The following AOC3 variants were observed in gnomAD, a reference collection of about 807,000 sequenced individuals.
AOC3 encodes amine oxidase copper containing 3.
In AOC3, 47 loss-of-function variants were observed where a neutral mutation model predicts 55.4. The ratio of observed to expected loss-of-function variants is 0.85; its 90% confidence interval spans 0.67 to 1.08. The LOEUF is 1.08. Ranked by LOEUF, AOC3 falls within the 50% of genes least tolerant of loss-of-function variation. The probability of loss-of-function intolerance (pLI) is 0.00; values close to 1 mark genes in which losing one functional copy is unlikely to be tolerated. For missense variants in AOC3, 853 were observed against 993.1 expected (o/e 0.86, Z 1.90); for synonymous variants, 386 against 410.7 (o/e 0.94, Z 0.73).
At position 42,856,766 on chromosome 17, in the gene AOC3, T is replaced by G; in HGVS notation, c.*216T>G. On this transcript the variant is annotated 3_prime_UTR_variant, in exon 4 of 4. Transcript: ENST00000308423. ...CACTGAACCTTGTTGATGCCAGCTG[T>G]ACTGAGTTCTCATCCACAGAGGCCA... 1.1e-5 allele frequency: 7 copies of G among 609,966 alleles called. No individual in the cohort carries two copies. The highest frequency in any genetic ancestry group is 2.8e-5 in the East Asian group (1 of 35,468). 37.8% of individuals were successfully genotyped at this position (609,966 alleles called of 1,614,324 possible). A position where few individuals can be genotyped will look rare whatever the true frequency, so the allele number is the denominator to read the frequency against.
intron 2 of AOC3, 143 bp downstream of exon 2, chr17:42,854,876 G>A: frequency 1.1e-6 from 1 of 915,288 alleles, no homozygotes; most frequent in Non-Finnish European, 1.5e-6. Flanking sequence ...TTTTGAGATG[G>A]AGTTTTGCTC....
intron 2 of AOC3, 123 bp from the exon 3 acceptor site, chr17:42,855,321 C>G (rs2055734073): frequency 7.5e-7 from 1 of 1,336,736 alleles, no homozygotes; most frequent in Non-Finnish European, 1.0e-6. Context: ...GATTCTGTAG[C>G]GCCGAGTCAG....
In AOC3 at chr17:42,852,216, C is replaced by T; in HGVS notation, c.873C>T (p.Ile291=). The change falls in exon 1 of 4, where the codon ATC becomes ATT. Residue 291 remains isoleucine, a synonymous_variant. Coordinates refer to ENST00000308423, the MANE Select transcript of AOC3 (RefSeq NM_003734.4). ...CCGGCCTGGTGAATGTGGTGCTGAT[C>T]CCAGACAATGGCACAGGTGGGTCCT... The part of the protein sequence containing the change: ...FEAGLVNVVL[I]PDNGTGGSWS... The T allele has an allele frequency of 1.2e-5, 20 of 1,613,500 alleles. No individual in the cohort carries two copies. Among genetic ancestry groups the T allele is most frequent in the Non-Finnish European group, 1.6e-5 (19 of 1,179,730 alleles).
In AOC3 at chr17:42,851,845, C is replaced by T. The variant is rs141581658; in HGVS notation, c.502C>T (p.Arg168Ter). Residue 168 changes from arginine (R) to a stop codon, truncating the protein, a stop_gained, in exon 1 of 4, where the codon CGA (arginine) becomes TGA (stop). Coordinates refer to ENST00000308423, the MANE Select transcript of AOC3 (RefSeq NM_003734.4). LOFTEE classifies it high-confidence loss of function. Reference sequence around the variant, plus strand: ...TCATGGAGGCCCCCTGCCCTATCACCGACGCCCCGTGCTGTTCCAAGAGTA... The same window carrying T: ...TCATGGAGGCCCCCTGCCCTATCACTGACGCCCCGTGCTGTTCCAAGAGTA... ...ERHGGPLPYH[R>*]RPVLFQEYLD... is the part of the protein sequence containing the mutation. 1.1e-5 allele frequency: 18 copies of T among 1,613,492 alleles called. No homozygotes were observed. Among genetic ancestry groups the T allele is most frequent in the East Asian group, 6.7e-5 (3 of 44,878 alleles).
Position 42,851,801 on chromosome 17 carries a change from G to A in AOC3, c.458G>A (p.Arg153Gln), listed in dbSNP as rs761534746. The A allele has an allele frequency of 1.1e-5, 18 of 1,613,346 alleles. No homozygotes were observed. The African/African-American group carries it at 1.9e-4, about 17-fold the overall frequency. The change falls in exon 1 of 4, where the codon CGG (arginine) becomes CAG (glutamine). Residue 153 changes from arginine to glutamine, a missense_variant. Arg to Gln is a conservative substitution (Grantham distance 43, BLOSUM62 1). Transcript: ENST00000308423. ...CCACTGCCTCACCCCTCCTACATGC[G>A]GGACGTGACTGTGGAGCGTCATGGA... ...VGPLPHPSYM[R>Q]DVTVERHGGP...
chr17:42,853,264 G>A, intron 1 of AOC3: 4 of 1,125,082 alleles, frequency 3.6e-6, no homozygotes, highest in South Asian at 3.1e-5. Flanking sequence ...CTCTGCTGCT[G>A]GGAGCAGCCT....
At chr17:42,854,415 C>T (rs780841861) in intron 1 of AOC3, 33 bp from the exon 2 acceptor site, 12 of 1,453,790 alleles carry the variant, frequency 8.3e-6, no homozygotes. Context: ...GGGCAGTTGC[C>T]TGACAGGCCC....
chr17:42,851,829 C>G lies in AOC3; in HGVS notation c.486C>G (p.Gly162=), dbSNP rs758973196. 1.2e-6 allele frequency: 2 copies of G among 1,613,616 alleles called. No individual in the cohort carries two copies. The highest frequency in any genetic ancestry group is 1.7e-6 in the Non-Finnish European group (2 of 1,180,040). Residue 162 remains glycine (G), a synonymous_variant, in exon 1 of 4, where the codon GGC becomes GGG. Coordinates refer to ENST00000308423, the MANE Select transcript of AOC3 (RefSeq NM_003734.4). The stretch of plus-strand genomic sequence containing the variant: ...ACGTGACTGTGGAGCGTCATGGAGG[C>G]CCCCTGCCCTATCACCGACGCCCCG... ...MRDVTVERHG[G]PLPYHRRPVL...
rs552584884 is a variant in AOC3 at position 42,851,549 on chromosome 17, C to T, written c.206C>T (p.Thr69Met). 66 of 1,613,912 alleles carry T rather than the reference C, an allele frequency of 4.1e-5. No homozygotes were observed. Among genetic ancestry groups the T allele is most frequent in the South Asian group, 8.8e-5 (8 of 91,062 alleles). ...GCAGACCTGAGCCGAGAGGAGCTGACGGCTGTGATGCGCTTTCTGACCCAG... is the reference window on the plus strand; with the variant it reads ...GCAGACCTGAGCCGAGAGGAGCTGATGGCTGTGATGCGCTTTCTGACCCAG... ...LFADLSREELTAVMRFLTQRL... is the reference protein window; with the variant it reads ...LFADLSREELMAVMRFLTQRL... Residue 69 changes from threonine to methionine, a missense_variant, in exon 1 of 4, where the codon ACG (threonine) becomes ATG (methionine). Transcript: ENST00000308423.
In AOC3 at chr17:42,852,049, G is replaced by A. The variant is rs766705316; in HGVS notation, c.706G>A (p.Ala236Thr). The A allele has an allele frequency of 6.2e-6, 10 of 1,613,774 alleles. No individual in the cohort carries two copies. Among genetic ancestry groups the A allele is most frequent in the Middle Eastern group, 1.6e-4 (1 of 6,078 alleles). Residue 236 changes from alanine (A) to threonine (T), a missense_variant, in exon 1 of 4, where the codon GCT becomes ACT. Coordinates refer to ENST00000308423, the MANE Select transcript of AOC3 (RefSeq NM_003734.4). ...WFGLYYNISG[A>T]GFFLHHVGLE... Reference sequence around the variant, plus strand: ...TGGCCTCTACTACAACATCTCGGGCGCTGGGTTCTTCCTGCACCACGTGGG... The same window carrying A: ...TGGCCTCTACTACAACATCTCGGGCACTGGGTTCTTCCTGCACCACGTGGG...
rs1344930156 is a variant in AOC3, at chr17:42,858,056, T to A, written c.*1506T>A. On this transcript the variant is annotated 3_prime_UTR_variant, in exon 4 of 4. Transcript: ENST00000308423. ...GAAGGGTCTTAACACTTACACCCTT[T>A]TGTACATTTTGAATTTTGAACCATG... 6.6e-6 allele frequency: 1 copy of A among 152,262 alleles called. No homozygotes were observed. The highest frequency in any genetic ancestry group is 6.5e-5 in the Admixed American group (1 of 15,278). 9.4% of individuals were successfully genotyped at this position (152,262 alleles called of 1,614,324 possible). A position where few individuals can be genotyped will look rare whatever the true frequency, so the allele number is the denominator to read the frequency against.
At chr17:42,853,133 G>T in intron 1 of AOC3, 190 bp downstream of exon 1, 1 of 1,371,678 alleles carries the variant, frequency 7.3e-7, no homozygotes, top group Non-Finnish European at 9.5e-7. Context: ...GTGCAAAGCT[G>T]CAGCCTTCCT....
Position 42,856,124 on chromosome 17 carries a change from A to C in AOC3, c.2017-151A>C. The C allele has an allele frequency of 5.3e-6, 5 of 951,372 alleles. No homozygotes were observed. The South Asian group carries it at 8.0e-5, about 15-fold the overall frequency. 58.9% of individuals were successfully genotyped at this position (951,372 alleles called of 1,614,324 possible). On this transcript the variant is annotated intron_variant, in intron 3 of 3. Transcript: ENST00000308423. The stretch of plus-strand genomic sequence containing the variant: ...CAGGGACAGGGAAGCAGGTGTTCCT[A>C]ATATGAAATGGACTACTTATGCTTT...
rs563477961 is a variant in AOC3, at chr17:42,856,444, A to G, written c.2186A>G (p.Gln729Arg). The change falls in exon 4 of 4, where the codon CAG becomes CGG. Residue 729 changes from glutamine (Q) to arginine (R), a missense_variant. Gln to Arg is a conservative substitution (Grantham distance 43). Transcript: ENST00000308423. ...GACTCCATCTACTTCCGAGGGGACC[A>G]GGATGCTGGGGCCTGCGAGGTCAAC... ...SADSIYFRGD[Q>R]DAGACEVNPL... 180 of 1,614,100 alleles carry G rather than the reference A, an allele frequency of 1.1e-4. 2 individuals carry two copies. The South Asian group carries it at 1.8e-3, about 16-fold the overall frequency.
In AOC3 at chr17:42,852,426, T is replaced by A. The variant is rs1372626005; in HGVS notation, c.1083T>A (p.Tyr361Ter). The A allele has an allele frequency of 6.2e-7, 1 of 1,614,192 alleles. No individual in the cohort carries two copies. The highest frequency in any genetic ancestry group is 1.7e-5 in the Admixed American group (1 of 60,020). Reference sequence around the variant, plus strand: ...GCTTCCAAGGAGAAAGACTAGTTTATGAGATAAGCCTCCAAGAGGCCTTGG... The same window carrying A: ...GCTTCCAAGGAGAAAGACTAGTTTAAGAGATAAGCCTCCAAGAGGCCTTGG... ...DVRFQGERLVYEISLQEALAI... is the reference protein window; with the variant it reads ...DVRFQGERLV Residue 361 changes from tyrosine to a stop codon, truncating the protein, a stop_gained, in exon 1 of 4, where the codon TAT becomes TAA. Coordinates refer to ENST00000308423, the MANE Select transcript of AOC3 (RefSeq NM_003734.4). LOFTEE classifies it high-confidence loss of function.
In AOC3 at chr17:42,856,648, T is replaced by C. The variant is rs34107025; in HGVS notation, c.*98T>C. ...TGGGCCGGCAGCCTGGTTCCCTCTT[T>C]CCTGTGCCAGGACTCTCTTTCTTCC... On this transcript the variant is annotated 3_prime_UTR_variant, in exon 4 of 4. Transcript: ENST00000308423. 0.011 allele frequency: 15,507 copies of C among 1,372,022 alleles called. 106 individuals are homozygous for C. The highest frequency in any genetic ancestry group is 0.013 in the Non-Finnish European group (12,959 of 1,007,166). 85.0% of individuals were successfully genotyped at this position (1,372,022 alleles called of 1,614,324 possible). A position where few individuals can be genotyped will look rare whatever the true frequency, so the allele number is the denominator to read the frequency against.
At chr17:42,853,625 G>T (rs1327002023) in intron 1 of AOC3, among the ~76,000 whole-genome samples, 1 of 151,318 alleles carries the variant, frequency 6.6e-6, no homozygotes, top group Admixed American at 6.6e-5. Flanking sequence ...ATTTTGTTTT[G>T]TTTCTGTTTT....
Position 42,851,673 on chromosome 17 carries a change from G to A in AOC3, c.330G>A (p.Leu110=). 1 of 1,612,916 alleles carries A rather than the reference G, an allele frequency of 6.2e-7. No individual in the cohort carries two copies. The highest frequency in any genetic ancestry group is 8.5e-7 in the Non-Finnish European group (1 of 1,179,956). Residue 110 remains leucine, a synonymous_variant, in exon 1 of 4, where the codon CTG becomes CTA. Coordinates refer to ENST00000308423, the MANE Select transcript of AOC3 (RefSeq NM_003734.4). ...AGCTGCCTCCCAAGGCTGCAGCCCT[G>A]GCTCACTTGGACAGGGGGAGCCCCC... ...ELQLPPKAAA[L]AHLDRGSPPP...
Position 42,851,211 on chromosome 17 carries a change from C to A in AOC3, c.-133C>A. ...CCTTCCCACCCTTAGTCCCAGGCATCTGACTACCGGGAACCTCAGCCAGAG... is the reference window on the plus strand; with the variant it reads ...CCTTCCCACCCTTAGTCCCAGGCATATGACTACCGGGAACCTCAGCCAGAG... On this transcript the variant is annotated 5_prime_UTR_variant, in exon 1 of 4. It adds an upstream start codon to the 5' untranslated region. Coordinates refer to ENST00000308423, the MANE Select transcript of AOC3 (RefSeq NM_003734.4). The A allele has an allele frequency of 1.2e-6, 1 of 846,350 alleles. No homozygotes were observed. Among genetic ancestry groups the A allele is most frequent in the Non-Finnish European group, 1.7e-6 (1 of 579,318 alleles). The allele number at this position is 846,350 out of a possible 1,614,324, so 52.4% of individuals were successfully genotyped here.
Sources: allele counts gnomAD v4.1 joint callset (sites outside exome capture counted in the v4.1 genomes callset), GRCh38; gene constraint gnomAD v4.1.1; transcripts MANE v1.5; gene names NCBI Gene and HGNC (gene_info 2026-07-23, HGNC 2026-07-21).